Variants in PCDH11Y observed in about 807,000 individuals in gnomAD.
The protein encoded by PCDH11Y is protocadherin-11 Y-linked.
For missense variants in PCDH11Y, 12 were observed against 224.8 expected (o/e 0.05, Z 6.05); for synonymous variants, 9 against 83.6 (o/e 0.11, Z 4.87).
At chrY:5,173,913 T>A in intron 2 of PCDH11Y, among the ~76,000 whole-genome samples, 1 of 28,039 alleles carries the variant, frequency 3.6e-5, no homozygotes, top group African/African-American at 1.4e-4. Flanking sequence ...GTCTATATAC[T>A]TTTGCATATC....
At chrY:5,023,564 G>T in intron 1 of PCDH11Y, among the ~76,000 whole-genome samples, 1 of 34,144 alleles carries the variant, frequency 2.9e-5, no homozygotes, top group East Asian at 7.8e-4. Context: ...CATTAGAAGA[G>T]ATGGAGTAAC....
downstream of PCDH11Y, among the ~76,000 whole-genome samples, chrY:5,103,419 A>G: frequency 3.1e-5 from 1 of 32,376 alleles, no homozygotes; most frequent in Non-Finnish European, 7.6e-5. Context: ...CTAGTAGACT[A>G]TAAGAGACAA....
chrY:5,534,786 A>G, intron 3 of PCDH11Y, among the ~76,000 whole-genome samples: 3 of 33,504 alleles, frequency 9.0e-5, no homozygotes, highest in African/African-American at 3.5e-4. Flanking sequence ...ACTGCTTTCC[A>G]CATGGCTGAA....
At chrY:5,350,047 C>A (rs2053156124) in intron 2 of PCDH11Y, among the ~76,000 whole-genome samples, 1 of 32,319 alleles carries the variant, frequency 3.1e-5, no homozygotes, top group Admixed American at 2.9e-4. Flanking sequence ...TTATCTGTCT[C>A]ATTGCTTCAT....
intron 3 of PCDH11Y, among the ~76,000 whole-genome samples, chrY:5,544,372 G>A (rs2053411006): frequency 3.0e-5 from 1 of 32,795 alleles, no homozygotes; most frequent in Non-Finnish European, 7.6e-5. Context: ...ATTTTGTGTG[G>A]TAGTAGTAAT....
At chrY:5,189,760 A>G (rs2052910189) in intron 2 of PCDH11Y, among the ~76,000 whole-genome samples, 1 of 33,949 alleles carries the variant, frequency 2.9e-5, no homozygotes, top group South Asian at 6.4e-4. Context: ...TCAGCTCTTT[A>G]AAAGAACAGA....
chrY:5,045,307 G>C, intron 3 of PCDH11Y, among the ~76,000 whole-genome samples: 1 of 32,446 alleles, frequency 3.1e-5, no homozygotes, highest in African/African-American at 1.2e-4. Flanking sequence ...GGCAGGCCTG[G>C]TGGTGACAAA....
At chrY:5,330,920 G>C in intron 2 of PCDH11Y, among the ~76,000 whole-genome samples, 1 of 33,308 alleles carries the variant, frequency 3.0e-5, no homozygotes, top group Admixed American at 2.8e-4. Flanking sequence ...TGTTGTTTGT[G>C]TATGTTCTTG....
chrY:5,535,232 T>C, intron 3 of PCDH11Y, among the ~76,000 whole-genome samples: 2 of 32,068 alleles, frequency 6.2e-5, no homozygotes, highest in African/African-American at 1.2e-4. Context: ...TTTCTTTTTT[T>C]TTTTTTTTAC....
chrY:5,374,409 CTATG>C (rs2053195422), intron 2 of PCDH11Y, among the ~76,000 whole-genome samples: 12 of 26,903 alleles, frequency 4.5e-4, no homozygotes, highest in Admixed American at 3.7e-3. Context: ...CACTCTCTCT[CTATG>C]TGTGTGTGTG....
intron 3 of PCDH11Y, among the ~76,000 whole-genome samples, chrY:5,557,632 CTT>C (rs2053424216): frequency 3.0e-5 from 1 of 33,786 alleles, no homozygotes; most frequent in African/African-American, 1.2e-4. Context: ...TAGTTTGACT[CTT>C]TTCTTTTTTT....
intron 4 of PCDH11Y, among the ~76,000 whole-genome samples, chrY:5,674,334 A>G: frequency 3.0e-5 from 1 of 33,070 alleles, no homozygotes; most frequent in Non-Finnish European, 7.5e-5. Context: ...GAATAATAGT[A>G]TCAGAAAGAA....
intron 4 of PCDH11Y, among the ~76,000 whole-genome samples, chrY:5,626,165 C>T: frequency 9.5e-5 from 3 of 31,656 alleles, no homozygotes; most frequent in East Asian, 8.3e-4. Context: ...GTATCAATTT[C>T]GTCTAGATTT....
At chrY:5,186,350 C>T in intron 2 of PCDH11Y, among the ~76,000 whole-genome samples, 7 of 28,145 alleles carry the variant, frequency 2.5e-4, no homozygotes, top group South Asian at 9.1e-4. Context: ...AAAGCAATAC[C>T]ATTTACAGTT....
At chrY:5,497,331 C>T (rs2053346096) in intron 2 of PCDH11Y, among the ~76,000 whole-genome samples, 2 of 33,337 alleles carry the variant, frequency 6.0e-5, no homozygotes, top group Admixed American at 2.8e-4. Context: ...TTTTAATGAT[C>T]GCCATTCTAA....
At chrY:5,367,806 T>TACAC (rs1206983748) in intron 2 of PCDH11Y, among the ~76,000 whole-genome samples, 2 of 26,647 alleles carry the variant, frequency 7.5e-5, no homozygotes, top group East Asian at 1.0e-3. Context: ...TGCATGCACA[T>TACAC]ACACACACAC....
At chrY:5,601,378 C>G in intron 4 of PCDH11Y, among the ~76,000 whole-genome samples, 16 of 32,591 alleles carry the variant, frequency 4.9e-4, no homozygotes, top group Non-Finnish European at 1.2e-3. Context: ...TCTAGAATAA[C>G]TTGAATGTAA....
At chrY:5,545,299 A>G (rs2053411890) in intron 3 of PCDH11Y, among the ~76,000 whole-genome samples, 1 of 31,845 alleles carries the variant, frequency 3.1e-5, no homozygotes, top group Non-Finnish European at 7.8e-5. Context: ...ATGGTCTTTT[A>G]AAATTGCATT....
At chrY:5,137,664 A>G in intron 2 of PCDH11Y, among the ~76,000 whole-genome samples, 1 of 33,345 alleles carries the variant, frequency 3.0e-5, no homozygotes, top group Non-Finnish European at 7.4e-5. Context: ...AACACGAAGA[A>G]AAAACAAAAA....
Sources: allele counts gnomAD v4.1 joint callset (sites outside exome capture counted in the v4.1 genomes callset), GRCh38; gene constraint gnomAD v4.1.1; transcripts MANE v1.5; gene names NCBI Gene and HGNC (gene_info 2026-07-23, HGNC 2026-07-21).